CNNM2: variants seen among roughly 807,000 people sequenced by gnomAD.
CNNM2 encodes the protein cyclin and CBS domain divalent metal cation transport mediator 2.
A neutral mutation model predicts 66.9 loss-of-function variants in CNNM2; 12 were observed. The ratio of observed to expected loss-of-function variants is 0.18; its 90% CI spans 0.11 to 0.29. The LOEUF is 0.29. CNNM2 is among the 10% of genes least tolerant of loss of function. CNNM2 has a pLI of 1.00. For missense variants in CNNM2, 705 were observed against 1,167.7 expected, an observed-to-expected ratio of 0.60 and a Z score of 5.77; for synonymous variants, 557 against 501.8, an observed-to-expected ratio of 1.11 and a Z score of -1.47.
chr10:103,017,395 G>A (rs977654881), intron 1 of CNNM2, among the ~76,000 whole-genome samples: 15 of 152,146 alleles, frequency 9.9e-5, no homozygotes, highest in African/African-American at 3.6e-4. Context: ...TATCTAAGTG[G>A]GGAGCAGACT....
chr10:103,056,161 T>C (rs928560389), intron 3 of CNNM2, among the ~76,000 whole-genome samples: 2 of 152,120 alleles, frequency 1.3e-5, no homozygotes, highest in Admixed American at 1.3e-4. Flanking sequence ...TGAGATATCA[T>C]AGAGTCCAGT....
chr10:103,062,387 T>G (rs2065402377), intron 4 of CNNM2, among the ~76,000 whole-genome samples: 1 of 152,234 alleles, frequency 6.6e-6, no homozygotes. Context: ...CATGGGTTTT[T>G]AAGTTGCACG....
intron 1 of CNNM2, among the ~76,000 whole-genome samples, chr10:102,945,627 T>A (rs1179540412): frequency 1.3e-5 from 2 of 152,036 alleles, no homozygotes; most frequent in Non-Finnish European, 2.9e-5. Context: ...TCTCTCTGCC[T>A]GCTTCTGTGC....
chr10:102,932,896 G>A, intron 1 of CNNM2, among the ~76,000 whole-genome samples: 1 of 137,626 alleles, frequency 7.3e-6, no homozygotes, highest in African/African-American at 2.7e-5. Flanking sequence ...CAGGCTGGGT[G>A]ACAGAGCAAG....
chr10:102,933,067 A>G (rs1846119766), intron 1 of CNNM2, among the ~76,000 whole-genome samples: 1 of 152,154 alleles, frequency 6.6e-6, no homozygotes, highest in African/African-American at 2.4e-5. Flanking sequence ...GAAAGTTTGA[A>G]TCCTCCAACT....
intron 1 of CNNM2, among the ~76,000 whole-genome samples, chr10:103,013,574 G>A (rs748454850): frequency 3.9e-5 from 6 of 152,222 alleles, no homozygotes; most frequent in South Asian, 2.1e-4. Flanking sequence ...AAGAAGAAAT[G>A]GGGTTTGAAG....
rs373000539 is a variant in CNNM2 at position 102,981,254 on chromosome 10, A to T, written c.1621+61153A>T. On this transcript the variant is annotated intron_variant, in intron 1 of 7. Coordinates refer to ENST00000369878, the MANE Select transcript of CNNM2 (RefSeq NM_017649.5). Reference sequence around the variant, plus strand: ...GGTTCCAGCTACTTGAGAGGCTGAGATGGGAGGATCACCTGAGTCCGGGAG... The same window carrying T: ...GGTTCCAGCTACTTGAGAGGCTGAGTTGGGAGGATCACCTGAGTCCGGGAG... Among the ~76,000 whole-genome samples, 109 of 151,984 alleles carry T rather than the reference A, an allele frequency of 7.2e-4. 2 individuals carry two copies. In the South Asian group the frequency reaches 0.022, roughly 31 times the overall value.
chr10:103,039,490 A>G (rs2134314777), intron 1 of CNNM2, among the ~76,000 whole-genome samples: 1 of 152,304 alleles, frequency 6.6e-6, no homozygotes, highest in East Asian at 1.9e-4. Context: ...GGCACATATC[A>G]GCATTCATCC....
chr10:102,968,113 GAA>G (rs1017374071), intron 1 of CNNM2, among the ~76,000 whole-genome samples: 25 of 124,448 alleles, frequency 2.0e-4, no homozygotes, highest in African/African-American at 6.3e-4. Flanking sequence ...CATATAGTAA[GAA>G]TATATATATA....
intron 1 of CNNM2, among the ~76,000 whole-genome samples, chr10:103,048,619 C>T (rs1423294299): frequency 7.1e-6 from 1 of 141,588 alleles, no homozygotes; most frequent in Non-Finnish European, 1.6e-5. Flanking sequence ...AAATGCCTGA[C>T]AAATACCCAA....
In CNNM2 at chr10:103,054,597, G is replaced by GTT; in HGVS notation, c.1903+138_1903+139dup. On this transcript the variant is annotated intron_variant, in intron 3 of 7. Transcript: ENST00000369878. This position sits in a 1 kb window ranked among gnomAD's most constrained non-coding sequence, Gnocchi z 5.2. ...ATAAGTAATGCCACTTTTGTGTTTTGTTTTTTTTGTTTTTTTGTTTTGTTT... is the reference window on the plus strand; with the variant it reads ...ATAAGTAATGCCACTTTTGTGTTTTGTTTTTTTTTTGTTTTTTTGTTTTGTTT... 1.3e-6 allele frequency: 1 copy of GTT among 746,606 alleles called. No individual in the cohort carries two copies. The highest frequency in any genetic ancestry group is 1.9e-6 in the Non-Finnish European group (1 of 516,710). The allele number at this position is 746,606 out of a possible 1,614,324, so 46.2% of individuals were successfully genotyped here.
In CNNM2 at chr10:103,086,167, TGGTA is replaced by T. The variant is rs2065806242; in HGVS notation, c.*8989_*8992del. The T allele has an allele frequency of 6.6e-6, 1 of 152,236 alleles. No homozygotes were observed. The highest frequency in any genetic ancestry group is 1.5e-5 in the Non-Finnish European group (1 of 68,022). The allele number at this position is 152,236 out of a possible 1,614,324, so 9.4% of individuals were successfully genotyped here. On this transcript the variant is annotated 3_prime_UTR_variant, in exon 8 of 8. Coordinates refer to ENST00000369878, the MANE Select transcript of CNNM2 (RefSeq NM_017649.5). Reference sequence around the variant, plus strand: ...CTGCAGGGTTGCTCTGGTAGCTCCATGGTAGAGATTTCACTCTCAGGGCCTCCCA... The same window carrying T: ...CTGCAGGGTTGCTCTGGTAGCTCCATGAGATTTCACTCTCAGGGCCTCCCA...
At chr10:102,989,848 T>C (rs919957045) in intron 1 of CNNM2, among the ~76,000 whole-genome samples, 1 of 152,166 alleles carries the variant, frequency 6.6e-6, no homozygotes, top group African/African-American at 2.4e-5. Flanking sequence ...TACTCCTTTG[T>C]TTAACTATAG....
At chr10:102,995,732 GT>G (rs963886268) in intron 1 of CNNM2, among the ~76,000 whole-genome samples, 6 of 146,954 alleles carry the variant, frequency 4.1e-5, no homozygotes, top group East Asian at 4.0e-4. Context: ...TTGATTTAAA[GT>G]TTTTTTTTTT....
rs182623421 is a variant in CNNM2, at chr10:103,042,337, C to T, written c.1622-7370C>T. On this transcript the variant is annotated intron_variant, in intron 1 of 7. Coordinates refer to ENST00000369878, the MANE Select transcript of CNNM2 (RefSeq NM_017649.5). ...CCTGATTGGGTTTCCCCGCCTCAGC[C>T]CTTTCCCAGGGCTATTCTCCTCCCA... 1.0e-3 allele frequency among the ~76,000 whole-genome samples: 158 copies of T among 152,292 alleles called. No homozygotes were observed. Among genetic ancestry groups the T allele is most frequent in the Admixed American group, 1.7e-3 (26 of 15,296 alleles).
chr10:103,077,076 C>T lies in CNNM2; in HGVS notation c.2524C>T (p.Leu842=). ...TAAAATCGAATTGACTCTTACGGAG[C>T]TGCATGACGGGTTGCCAGACGAGAC... is the stretch of plus-strand genomic sequence containing the variant. ...NTKIELTLTE[L]HDGLPDETAN... The change falls in exon 8 of 8, where the codon CTG becomes TTG. Residue 842 remains leucine (L), a synonymous_variant. Coordinates refer to ENST00000369878, the MANE Select transcript of CNNM2 (RefSeq NM_017649.5). 1 of 1,613,984 alleles carries T rather than the reference C, an allele frequency of 6.2e-7. No individual in the cohort carries two copies. The highest frequency in any genetic ancestry group is 8.5e-7 in the Non-Finnish European group (1 of 1,179,898).
intron 1 of CNNM2, among the ~76,000 whole-genome samples, chr10:102,969,604 C>A (rs1462475868): frequency 6.6e-6 from 1 of 152,078 alleles, no homozygotes; most frequent in African/African-American, 2.4e-5. Flanking sequence ...TTTCAGAAAA[C>A]ACTACTCTAT....
In CNNM2 at chr10:103,088,667, G is replaced by A. The variant is rs1170397606; in HGVS notation, c.*11487G>A. ...CTCCCAAAGTGCTGGGATTACAGGC[G>A]TGAGCCGCCGTGCCTGGCCTTGACT... On this transcript the variant is annotated 3_prime_UTR_variant, in exon 8 of 8. Transcript: ENST00000369878. 4 of 173,010 alleles carry A rather than the reference G, an allele frequency of 2.3e-5. No homozygotes were observed. Among genetic ancestry groups the A allele is most frequent in the East Asian group, 2.1e-4 (2 of 9,590 alleles). 10.7% of individuals were successfully genotyped at this position (173,010 alleles called of 1,614,324 possible). A position where few individuals can be genotyped will look rare whatever the true frequency, so the allele number is the denominator to read the frequency against.
chr10:103,017,401 A>T (rs988235730), intron 1 of CNNM2, among the ~76,000 whole-genome samples: 2 of 152,176 alleles, frequency 1.3e-5, no homozygotes, highest in Non-Finnish European at 2.9e-5. Flanking sequence ...AGTGGGGAGC[A>T]GACTAAGCAA....
Sources: allele counts gnomAD v4.1 joint callset (sites outside exome capture counted in the v4.1 genomes callset), GRCh38; gene constraint gnomAD v4.1.1; non-coding constraint Gnocchi (gnomAD v3.1); transcripts MANE v1.5; gene names NCBI Gene and HGNC (gene_info 2026-07-23, HGNC 2026-07-21).